MYO1D: variants seen among roughly 807,000 people sequenced by gnomAD.
MYO1D encodes the protein myosin ID.
Under a neutral mutation model 122.0 loss-of-function variants are expected in MYO1D, and 83 were observed. The ratio of observed to expected loss-of-function variants is 0.68; its 90% CI spans 0.57 to 0.82. The LOEUF is 0.82. MYO1D is among the 40% of genes least tolerant of loss of function. The probability of loss-of-function intolerance (pLI) is 0.00; values close to 1 mark genes in which losing one functional copy is unlikely to be tolerated. For synonymous variants in MYO1D, 464 were observed against 446.9 expected (o/e 1.04, Z -0.48); for missense variants, 1,157 against 1,269.5 (o/e 0.91, Z 1.35).
At chr17:32,517,941 G>A (rs946626243) in intron 21 of MYO1D, among the ~76,000 whole-genome samples, 4 of 151,738 alleles carry the variant, frequency 2.6e-5, no homozygotes, top group African/African-American at 4.8e-5. Flanking sequence ...CTGCCACCCC[G>A]GCTCTCCCTC....
At chr17:32,628,986 G>A (rs539681221) in intron 20 of MYO1D, among the ~76,000 whole-genome samples, 5 of 152,160 alleles carry the variant, frequency 3.3e-5, no homozygotes, top group Non-Finnish European at 7.3e-5. Context: ...CAATCAATAG[G>A]TGAATGGAGA....
chr17:32,552,739 C>G (rs911958607), intron 21 of MYO1D, among the ~76,000 whole-genome samples: 1 of 152,130 alleles, frequency 6.6e-6, no homozygotes, highest in Non-Finnish European at 1.5e-5. Context: ...CTTCTTAAAC[C>G]GGGACACGAT....
At chr17:32,692,775 CA>C (rs1284476546) in intron 16 of MYO1D, among the ~76,000 whole-genome samples, 2 of 152,200 alleles carry the variant, frequency 1.3e-5, no homozygotes, top group Admixed American at 6.5e-5. Context: ...CCTGGACTTA[CA>C]TATAAATCTG....
intron 15 of MYO1D, among the ~76,000 whole-genome samples, chr17:32,718,698 A>G (rs1051129682): frequency 6.6e-5 from 10 of 151,500 alleles, no homozygotes; most frequent in African/African-American, 2.2e-4. Flanking sequence ...AGACCCTGTC[A>G]AAAAAAGAAA....
intron 16 of MYO1D, chr17:32,659,564 A>G (rs1331747196): frequency 2.3e-5 from 13 of 562,398 alleles, no homozygotes; most frequent in Non-Finnish European, 3.8e-5. Context: ...ATTATTCTAC[A>G]CTGAAGTGTG....
At chr17:32,688,435 C>G (rs1251107829) in intron 16 of MYO1D, among the ~76,000 whole-genome samples, 1 of 152,166 alleles carries the variant, frequency 6.6e-6, no homozygotes, top group Non-Finnish European at 1.5e-5. Flanking sequence ...CCCTTTGACT[C>G]ACTGTCTCAT....
At chr17:32,624,741 AAAG>A (rs2087903272) in intron 20 of MYO1D, among the ~76,000 whole-genome samples, 1 of 152,006 alleles carries the variant, frequency 6.6e-6, no homozygotes, top group Admixed American at 6.6e-5. Flanking sequence ...TTCCCCCCTA[AAAG>A]AAATGAAGAT....
intron 16 of MYO1D, among the ~76,000 whole-genome samples, chr17:32,690,395 G>A (rs549386227): frequency 6.8e-4 from 103 of 152,122 alleles, no homozygotes; most frequent in Middle Eastern, 3.4e-3. Context: ...GGCTGGTCGC[G>A]AACTCCTGAG....
At chr17:32,535,348 C>A (rs1910628817) in intron 21 of MYO1D, among the ~76,000 whole-genome samples, 1 of 152,218 alleles carries the variant, frequency 6.6e-6, no homozygotes, top group South Asian at 2.1e-4. Context: ...TAGTACATAG[C>A]ACTTGCAACG....
intron 21 of MYO1D, among the ~76,000 whole-genome samples, chr17:32,542,398 G>A (rs759265278): frequency 1.3e-5 from 2 of 152,140 alleles, no homozygotes; most frequent in Non-Finnish European, 1.5e-5. Context: ...TTCTGCCTCC[G>A]TGGTGCGACA....
At position 32,735,230 on chromosome 17, in the gene MYO1D, C is replaced by T. The variant is rs1196983434; in HGVS notation, c.1746+3023G>A. On this transcript the variant is annotated intron_variant, in intron 14 of 21. Transcript: ENST00000318217. Reference sequence around the variant, plus strand: ...TTTGAGATGGAGTCTCGCTCTGTTGCCCAGGCTGGAATGCATTGGCACCAT... The same window carrying T: ...TTTGAGATGGAGTCTCGCTCTGTTGTCCAGGCTGGAATGCATTGGCACCAT... Among the ~76,000 whole-genome samples the T allele has an allele frequency of 2.0e-5, 3 of 152,056 alleles. No homozygotes were observed. The East Asian group carries it at 5.8e-4, about 29-fold the overall frequency.
At chr17:32,702,894 G>C (rs1222745914) in intron 16 of MYO1D, among the ~76,000 whole-genome samples, 1 of 152,190 alleles carries the variant, frequency 6.6e-6, no homozygotes, top group Non-Finnish European at 1.5e-5. Flanking sequence ...AAAACTCATA[G>C]CATGGAACAT....
chr17:32,527,122 A>AGTG (rs1365608248), intron 21 of MYO1D, among the ~76,000 whole-genome samples: 9 of 152,168 alleles, frequency 5.9e-5, no homozygotes, highest in Admixed American at 3.3e-4. Context: ...CGCCATCACC[A>AGTG]GTGAAGGGGG....
intron 16 of MYO1D, among the ~76,000 whole-genome samples, chr17:32,694,707 C>CAAAAAAAAAA (rs58606294): frequency 1.8e-5 from 1 of 55,912 alleles, no homozygotes. Context: ...GACTCCGTCT[C>CAAAAAAAAAA]AAAAAAAAAA....
rs185924638 is a variant in MYO1D at position 32,515,160 on chromosome 17, C to A, written c.2865-20245G>T. 7.5e-4 allele frequency among the ~76,000 whole-genome samples: 114 copies of A among 152,300 alleles called. No homozygotes were observed. In the East Asian group the frequency reaches 0.02, roughly 26 times the overall value. On this transcript the variant is annotated intron_variant, in intron 21 of 21. Transcript: ENST00000318217. ...TGGAATGCTGGTTAGACGAATGAAA[C>A]CAGGGCTGAAAGGACCTTTGCCCAG...
intron 16 of MYO1D, among the ~76,000 whole-genome samples, chr17:32,677,317 G>C (rs2088826711): frequency 1.3e-5 from 2 of 152,086 alleles, no homozygotes; most frequent in Non-Finnish European, 2.9e-5. Context: ...AATGGCAGCA[G>C]ATTCTGCCTA....
At chr17:32,621,860 C>G (rs2087858989) in intron 20 of MYO1D, among the ~76,000 whole-genome samples, 1 of 152,172 alleles carries the variant, frequency 6.6e-6, no homozygotes, top group Admixed American at 6.5e-5. Context: ...GAACCTGCTT[C>G]CTCCTCTCTT....
intron 19 of MYO1D, among the ~76,000 whole-genome samples, chr17:32,645,607 TA>T (rs1480464005): frequency 7.9e-5 from 12 of 152,164 alleles, no homozygotes; most frequent in African/African-American, 2.7e-4. Context: ...CGTTTCTTTT[TA>T]TTTTTTTTTC....
chr17:32,506,663 T>C (rs1223866052), intron 21 of MYO1D, among the ~76,000 whole-genome samples: 1 of 152,224 alleles, frequency 6.6e-6, no homozygotes, highest in East Asian at 1.9e-4. Flanking sequence ...TGTGCAAACC[T>C]CTGGCTAAAA....
Sources: allele counts gnomAD v4.1 joint callset (sites outside exome capture counted in the v4.1 genomes callset), GRCh38; gene constraint gnomAD v4.1.1; transcripts MANE v1.5; gene names NCBI Gene and HGNC (gene_info 2026-07-23, HGNC 2026-07-21).